The following ZNF76 variants were observed in gnomAD, a reference collection of about 807,000 sequenced individuals.
The protein encoded by ZNF76 is zinc finger protein 523.
ZNF76 carries 66 observed loss-of-function variants against 66.9 expected under a neutral mutation model. The observed-to-expected ratio is 0.99, with a 90% CI of 0.81 to 1.21. ZNF76 has a LOEUF of 1.21. Among genes scored for constraint, ZNF76 ranks in the 50% most tolerant of loss-of-function variants. The pLI, the probability that ZNF76 is intolerant of heterozygous loss-of-function variation, is 0.00. For synonymous variants in ZNF76, 275 were observed against 296.1 expected, an observed-to-expected ratio of 0.93 and a Z score of 0.73; for missense variants, 729 against 760.3, an observed-to-expected ratio of 0.96 and a Z score of 0.48.
At chr6:35,261,502 C>A (rs1785250589) in intron 1 of ZNF76, among the ~76,000 whole-genome samples, 2 of 102,276 alleles carry the variant, frequency 2.0e-5, no homozygotes, top group Admixed American at 2.3e-4. Context: ...ATTTTCCCTT[C>A]CCATATTTTT....
chr6:35,293,443 C>G lies in ZNF76; in HGVS notation c.1330-308C>G, dbSNP rs548078482. Among the ~76,000 whole-genome samples, 4 of 152,316 alleles carry G rather than the reference C, an allele frequency of 2.6e-5. No homozygotes were observed. The South Asian group carries it at 8.3e-4, about 32-fold the overall frequency. On this transcript the variant is annotated intron_variant, in intron 11 of 13. Coordinates refer to ENST00000373953, the MANE Select transcript of ZNF76 (RefSeq NM_003427.5). ...CTATATAACCTGACCCTTGTCCGTACCCTTGCTAGAAAGTACATCTGTGCT... is the reference window on the plus strand; with the variant it reads ...CTATATAACCTGACCCTTGTCCGTAGCCTTGCTAGAAAGTACATCTGTGCT...
chr6:35,273,895 C>T (rs1011633929), intron 1 of ZNF76, among the ~76,000 whole-genome samples: 2 of 151,956 alleles, frequency 1.3e-5, no homozygotes, highest in Non-Finnish European at 2.9e-5. Flanking sequence ...AAGCAATATG[C>T]TTTATGCAAA....
At chr6:35,260,351 ACT>A (rs1469374688) in intron 1 of ZNF76, among the ~76,000 whole-genome samples, 1 of 150,734 alleles carries the variant, frequency 6.6e-6, no homozygotes, top group African/African-American at 2.4e-5. Flanking sequence ...TCCCCTCAAA[ACT>A]CTGCTGGCGA....
chr6:35,287,816 G>T lies in ZNF76; in HGVS notation c.403G>T (p.Val135Leu), dbSNP rs764432773. ...EDDEGFSADA[V>L]VALEQYASKV... ...TGATGAGGGCTTCAGTGCAGACGCAGTGGTGGCCCTGGAGCAGTATGCCAG... is the reference window on the plus strand; with the variant it reads ...TGATGAGGGCTTCAGTGCAGACGCATTGGTGGCCCTGGAGCAGTATGCCAG... Residue 135 changes from valine (V) to leucine (L), a missense_variant, in exon 5 of 14, where the codon GTG (valine) becomes TTG (leucine). By Grantham distance (32) the Val-to-Leu change is conservative. Transcript: ENST00000373953. This position sits in a 1 kb window ranked among gnomAD's most constrained non-coding sequence, Gnocchi z 4.0. 6.2e-7 allele frequency: 1 copy of T among 1,607,406 alleles called. No homozygotes were observed. Among genetic ancestry groups the T allele is most frequent in the Non-Finnish European group, 8.5e-7 (1 of 1,177,006 alleles).
chr6:35,275,602 C>A (rs563306422), intron 1 of ZNF76, among the ~76,000 whole-genome samples: 2 of 152,314 alleles, frequency 1.3e-5, no homozygotes, highest in Admixed American at 1.3e-4. Context: ...GCTTCCTCCT[C>A]ACCCTCTGCA....
intron 1 of ZNF76, among the ~76,000 whole-genome samples, chr6:35,261,549 G>C (rs1785256885): frequency 6.6e-6 from 1 of 152,038 alleles, no homozygotes; most frequent in Non-Finnish European, 1.5e-5. Context: ...AAATGAACCA[G>C]AAACTCTCAC....
intron 1 of ZNF76, among the ~76,000 whole-genome samples, chr6:35,267,783 T>C (rs1023418827): frequency 3.3e-5 from 5 of 152,144 alleles, no homozygotes; most frequent in African/African-American, 1.2e-4. Context: ...GTGGAAACAG[T>C]GAACGTGCAT....
At chr6:35,285,000 C>T (rs145165322) in intron 2 of ZNF76, among the ~76,000 whole-genome samples, 2 of 152,340 alleles carry the variant, frequency 1.3e-5, no homozygotes, top group South Asian at 2.1e-4. Flanking sequence ...CATGAGCCAC[C>T]GAATCTGACC....
chr6:35,278,149 C>A (rs1004321449), intron 1 of ZNF76, among the ~76,000 whole-genome samples: 3 of 152,022 alleles, frequency 2.0e-5, no homozygotes, highest in Non-Finnish European at 4.4e-5. Flanking sequence ...AGCCACCACG[C>A]CCAGCCAGTT....
rs1014584761 is a variant in ZNF76, at chr6:35,260,125, A to T, written c.-97+284A>T. 2.1e-5 allele frequency among the ~76,000 whole-genome samples: 3 copies of T among 145,066 alleles called. No individual in the cohort carries two copies. The Admixed American group carries it at 2.1e-4, about 10-fold the overall frequency. ...CACCCACTGACCCCAAGACCTCACC[A>T]GGTAACCGTTGGTTATTATTCATTG... On this transcript the variant is annotated intron_variant, in intron 1 of 13. Coordinates refer to ENST00000373953, the MANE Select transcript of ZNF76 (RefSeq NM_003427.5).
chr6:35,295,053 C>A lies in ZNF76; in HGVS notation c.1609-91C>A, dbSNP rs187963250. 139 of 843,866 alleles carry A rather than the reference C, an allele frequency of 1.6e-4. No homozygotes were observed. In the African/African-American group the frequency reaches 1.9e-3, roughly 12 times the overall value. The allele number at this position is 843,866 out of a possible 1,614,324, so 52.3% of individuals were successfully genotyped here. ...TGGCACTGGGTAGATGGGGGAGAGT[C>A]AAAAAAAAAAGTAGGCCACATATTA... On this transcript the variant is annotated intron_variant, in intron 13 of 13. Coordinates refer to ENST00000373953, the MANE Select transcript of ZNF76 (RefSeq NM_003427.5).
intron 1 of ZNF76, among the ~76,000 whole-genome samples, chr6:35,269,597 TTAAGA>T (rs557383348): frequency 8.5e-5 from 13 of 152,142 alleles, no homozygotes; most frequent in Non-Finnish European, 1.3e-4. Context: ...ACCCATACAG[TTAAGA>T]TAAGAACCAA....
chr6:35,293,868 A>G lies in ZNF76; in HGVS notation c.1447A>G (p.Thr483Ala). The G allele has an allele frequency of 6.2e-7, 1 of 1,614,194 alleles. No individual in the cohort carries two copies. The highest frequency in any genetic ancestry group is 1.1e-5 in the South Asian group (1 of 91,084). ...SPDADLATSGTHTVTMVSADG... is the reference protein window; with the variant it reads ...SPDADLATSGAHTVTMVSADG... ...TGATGCCGACCTGGCCACATCTGGC[A>G]CACATACAGTCACCATGGTCAGCGC... is the stretch of plus-strand genomic sequence containing the variant. The change falls in exon 12 of 14, where the codon ACA (threonine) becomes GCA (alanine). Residue 483 changes from threonine (T) to alanine (A), a missense_variant. By Grantham distance (58) the Thr-to-Ala change is moderately conservative. Coordinates refer to ENST00000373953, the MANE Select transcript of ZNF76 (RefSeq NM_003427.5).
chr6:35,280,852 A>G (rs924706446), intron 1 of ZNF76, among the ~76,000 whole-genome samples: 1 of 152,162 alleles, frequency 6.6e-6, no homozygotes, highest in African/African-American at 2.4e-5. Flanking sequence ...TTTGATTGGC[A>G]TGCTTCTCTT....
chr6:35,292,878 C>T lies in ZNF76; in HGVS notation c.1166-3C>T. 6.2e-7 allele frequency: 1 copy of T among 1,614,080 alleles called. No individual in the cohort carries two copies. The highest frequency in any genetic ancestry group is 8.5e-7 in the Non-Finnish European group (1 of 1,179,998). On this transcript the variant is annotated splice_region_variant and splice_polypyrimidine_tract_variant and intron_variant, in intron 10 of 13. Transcript: ENST00000373953. This position sits in a 1 kb window ranked among gnomAD's most constrained non-coding sequence, Gnocchi z 4.7. ...GATGTCAGCCTTGGCTCTCCTCTCC[C>T]AGCCGCCTCTGCAGCCGAGGAGAGT...
chr6:35,290,132 T>C (rs1790146652), intron 5 of ZNF76, 134 bp from the exon 6 acceptor site: 1 of 1,181,982 alleles, frequency 8.5e-7, no homozygotes, highest in Non-Finnish European at 1.2e-6. Context: ...GTCCGTCTAG[T>C]TATGTTCTTC....
At chr6:35,288,374 G>C in intron 5 of ZNF76, 1 of 351,304 alleles carries the variant, frequency 2.8e-6, no homozygotes, top group South Asian at 2.2e-5. Flanking sequence ...CAGTAGCTCA[G>C]CTGGAAAGGA....
Position 35,295,446 on chromosome 6 carries a change from G to A in ZNF76, c.*198G>A. ...GAAGGGGGCCAGGCAGCTGGAATCA[G>A]GGGAGTGCATCATCCTCGGGAGCTG... On this transcript the variant is annotated 3_prime_UTR_variant, in exon 14 of 14. Coordinates refer to ENST00000373953, the MANE Select transcript of ZNF76 (RefSeq NM_003427.5). 2 of 624,412 alleles carry A rather than the reference G, an allele frequency of 3.2e-6. No individual in the cohort carries two copies. Among genetic ancestry groups the A allele is most frequent in the Non-Finnish European group, 5.9e-6 (2 of 339,764 alleles). The allele number at this position is 624,412 out of a possible 1,614,324, so 38.7% of individuals were successfully genotyped here.
intron 2 of ZNF76, 43 bp from the exon 3 acceptor site, chr6:35,286,073 TTTCTTAGCCCTC>T (rs1789519588): frequency 6.4e-7 from 1 of 1,561,572 alleles, no homozygotes; most frequent in African/African-American, 1.4e-5. Flanking sequence ...CAGGCAGGCG[TTTCTTAGCCCTC>T]TTCTGGTCCT....
Sources: gnomAD v4.1 joint callset for allele counts (sites outside exome capture counted in the v4.1 genomes callset) on GRCh38, gnomAD v4.1.1 for gene constraint, Gnocchi (gnomAD v3.1) non-coding constraint, MANE v1.5 for transcripts, NCBI Gene and HGNC (gene_info 2026-07-23, HGNC 2026-07-21) for gene names.